RPS6KA5: variants seen among roughly 807,000 people sequenced by gnomAD.
RPS6KA5 encodes ribosomal protein S6 kinase alpha-5.
A neutral mutation model predicts 85.5 loss-of-function variants in RPS6KA5; 27 were observed. That is an observed-to-expected ratio of 0.32 (90% confidence interval 0.23 to 0.44). The LOEUF (loss-of-function observed/expected upper bound fraction) is 0.44. Ranked by LOEUF, RPS6KA5 falls within the 20% of genes least tolerant of loss-of-function variation. The pLI is 1.00. For synonymous variants in RPS6KA5, 334 were observed against 348.2 expected, an observed-to-expected ratio of 0.96 and a Z score of 0.46; for missense variants, 811 against 980.9, an observed-to-expected ratio of 0.83 and a Z score of 2.31.
At chr14:90,873,579 T>C (rs2033259972) in intron 16 of RPS6KA5, 53 bp downstream of exon 16, 1 of 1,482,346 alleles carries the variant, frequency 6.7e-7, no homozygotes, top group African/African-American at 1.4e-5. Context: ...TAAGAACATT[T>C]GATTATGATT....
chr14:90,996,820 T>C (rs536404805), intron 2 of RPS6KA5, among the ~76,000 whole-genome samples: 6 of 152,342 alleles, frequency 3.9e-5, no homozygotes, highest in Admixed American at 2.0e-4. Context: ...AGGATCTTTA[T>C]AGAGATCCCT....
chr14:90,897,283 CCAGCTCTGGTGA>C (rs2034892464), intron 12 of RPS6KA5, among the ~76,000 whole-genome samples: 1 of 152,154 alleles, frequency 6.6e-6, no homozygotes, highest in East Asian at 1.9e-4. Context: ...CAAGAGGGAA[CCAGCTCTGGTGA>C]CAGCTTGACT....
chr14:91,039,089 T>C (rs1361168284), intron 1 of RPS6KA5, among the ~76,000 whole-genome samples: 2 of 152,170 alleles, frequency 1.3e-5, no homozygotes, highest in African/African-American at 2.4e-5. Context: ...CCCCATACCA[T>C]TCAAGTCCTA....
chr14:91,038,040 C>T (rs2139873790), intron 1 of RPS6KA5, among the ~76,000 whole-genome samples: 1 of 152,318 alleles, frequency 6.6e-6, no homozygotes. Flanking sequence ...TTAAGGAGAA[C>T]AAGTATCACC....
At chr14:90,915,756 A>C (rs1053771491) in intron 7 of RPS6KA5, among the ~76,000 whole-genome samples, 8 of 152,066 alleles carry the variant, frequency 5.3e-5, no homozygotes, top group African/African-American at 1.9e-4. Flanking sequence ...CAGTGAGCCG[A>C]GATCAGGCCA....
chr14:90,921,875 T>G (rs1228169790), intron 6 of RPS6KA5, among the ~76,000 whole-genome samples: 1 of 152,208 alleles, frequency 6.6e-6, no homozygotes, highest in Admixed American at 6.5e-5. Context: ...CTTATTTGGA[T>G]AAAGCTATTA....
intron 3 of RPS6KA5, among the ~76,000 whole-genome samples, chr14:90,954,155 G>A (rs1246019644): frequency 6.6e-6 from 1 of 152,148 alleles, no homozygotes; most frequent in African/African-American, 2.4e-5. Flanking sequence ...TTCTCAGCCA[G>A]TCAACACTTA....
chr14:90,891,750 T>A (rs1275968664), intron 13 of RPS6KA5, among the ~76,000 whole-genome samples: 2 of 152,200 alleles, frequency 1.3e-5, no homozygotes, highest in Admixed American at 6.5e-5. Context: ...TTGTCTTAAA[T>A]TTTCTAGCAT....
chr14:91,046,871 G>T (rs1199166879), intron 1 of RPS6KA5, among the ~76,000 whole-genome samples: 2 of 151,892 alleles, frequency 1.3e-5, no homozygotes. Flanking sequence ...ATATGACAAA[G>T]ATTTTATTTA....
At chr14:91,039,241 A>C (rs1387248612) in intron 1 of RPS6KA5, among the ~76,000 whole-genome samples, 1 of 152,178 alleles carries the variant, frequency 6.6e-6, no homozygotes, top group African/African-American at 2.4e-5. Context: ...TCCTTGTTGC[A>C]GTCTCACCAG....
chr14:90,872,633 C>T (rs148252181), intron 16 of RPS6KA5, among the ~76,000 whole-genome samples: 1 of 152,134 alleles, frequency 6.6e-6, no homozygotes, highest in Non-Finnish European at 1.5e-5. Context: ...TTCCTGAAGA[C>T]CATCAGTAAT....
intron 3 of RPS6KA5, among the ~76,000 whole-genome samples, chr14:90,976,655 CAT>C (rs2039584322): frequency 6.6e-6 from 1 of 152,104 alleles, no homozygotes; most frequent in Non-Finnish European, 1.5e-5. Context: ...AAATCAATAA[CAT>C]AGCAGATACA....
rs76070976 is a variant in RPS6KA5, at chr14:91,042,993, T to A, written c.103+17339A>T. 5.9e-3 allele frequency among the ~76,000 whole-genome samples: 901 copies of A among 152,216 alleles called. 4 individuals carry two copies. Among genetic ancestry groups the A allele is most frequent in the Admixed American group, 0.014 (208 of 15,278 alleles). The stretch of plus-strand genomic sequence containing the variant: ...CTCCAGAACCAAGTCTCTCAAAAGT[T>A]ATCTTCACCTGCATTCACTCCTCAA... On this transcript the variant is annotated intron_variant, in intron 1 of 16. Transcript: ENST00000614987.
intron 3 of RPS6KA5, among the ~76,000 whole-genome samples, chr14:90,956,239 T>A (rs1263392072): frequency 6.6e-6 from 1 of 152,200 alleles, no homozygotes; most frequent in Non-Finnish European, 1.5e-5. Context: ...TATATATTTA[T>A]AACCAATCTT....
intron 3 of RPS6KA5, among the ~76,000 whole-genome samples, chr14:90,975,390 C>G (rs2039517274): frequency 6.6e-6 from 1 of 152,106 alleles, no homozygotes; most frequent in South Asian, 2.1e-4. Flanking sequence ...CCTCCAGTAC[C>G]TTAGAATGTG....
At chr14:90,987,253 G>T (rs1476580591) in intron 2 of RPS6KA5, among the ~76,000 whole-genome samples, 1 of 152,132 alleles carries the variant, frequency 6.6e-6, no homozygotes, top group Non-Finnish European at 1.5e-5. Context: ...TTTTAATACG[G>T]ATACTTTCCA....
intron 5 of RPS6KA5, among the ~76,000 whole-genome samples, chr14:90,939,925 A>G (rs1452507186): frequency 6.6e-6 from 1 of 152,234 alleles, no homozygotes; most frequent in African/African-American, 2.4e-5. Flanking sequence ...TGACATGGAA[A>G]CCAAAAAGGA....
At chr14:90,915,165 A>G (rs1188675706) in intron 7 of RPS6KA5, among the ~76,000 whole-genome samples, 2 of 152,192 alleles carry the variant, frequency 1.3e-5, no homozygotes, top group African/African-American at 4.8e-5. Flanking sequence ...CAAAAGCAAC[A>G]TATCTCAAAA....
intron 1 of RPS6KA5, among the ~76,000 whole-genome samples, chr14:91,041,502 G>A (rs189064057): frequency 6.6e-6 from 1 of 152,292 alleles, no homozygotes; most frequent in East Asian, 1.9e-4. Context: ...TGGTTGCCCA[G>A]TATAGTATTG....
Sources: gnomAD v4.1 joint callset for allele counts (sites outside exome capture counted in the v4.1 genomes callset) on GRCh38, gnomAD v4.1.1 for gene constraint, MANE v1.5 for transcripts, NCBI Gene and HGNC (gene_info 2026-07-23, HGNC 2026-07-21) for gene names.